MUCL3: variants seen among roughly 807,000 people sequenced by gnomAD.
The protein encoded by MUCL3 is mucin like 3.
Under a neutral mutation model 70.2 loss-of-function variants are expected in MUCL3, and 42 were observed. The ratio of observed to expected loss-of-function variants is 0.60; its 90% CI spans 0.47 to 0.77. MUCL3 has a LOEUF of 0.77. Among genes scored for constraint, MUCL3 ranks in the 30% least tolerant of loss-of-function variants. MUCL3 has a pLI of 0.00. For missense variants in MUCL3, 1,429 were observed against 1,670.0 expected, an observed-to-expected ratio of 0.86 and a Z score of 2.52; for synonymous variants, 522 against 647.0, an observed-to-expected ratio of 0.81 and a Z score of 2.93.
chr6:30,948,809 T>A lies in MUCL3; in HGVS notation c.345T>A (p.His115Gln), dbSNP rs1296496530. Residue 115 changes from histidine (H) to glutamine (Q), a missense_variant, in exon 2 of 3, where the codon CAT (histidine) becomes CAA (glutamine). His to Gln is a conservative substitution (Grantham distance 24, BLOSUM62 0). Transcript: ENST00000462446. ...ACCACAAAAGCTCTACAGATAATCA[T>A]GAGGCTCCTCCCACTTCTGAAGAAA... ...TIDHKSSTDN[H>Q]EAPPTSEENS... 3.9e-6 allele frequency: 6 copies of A among 1,551,642 alleles called. No homozygotes were observed. Among genetic ancestry groups the A allele is most frequent in the Non-Finnish European group, 5.2e-6 (6 of 1,146,978 alleles).
rs371675645 is a variant in MUCL3 at position 30,948,867 on chromosome 6, C to T, written c.403C>T (p.Arg135Trp). The T allele has an allele frequency of 1.5e-5, 23 of 1,551,524 alleles. No individual in the cohort carries two copies. Among genetic ancestry groups the T allele is most frequent in the Admixed American group, 2.0e-5 (1 of 50,966 alleles). Residue 135 changes from arginine (R) to tryptophan (W), a missense_variant, in exon 2 of 3, where the codon CGG (arginine) becomes TGG (tryptophan). By Grantham distance (101) the Arg-to-Trp change is moderately radical. Coordinates refer to ENST00000462446, the MANE Select transcript of MUCL3 (RefSeq NM_080870.4). ...SSNQGKDPMI[R>W]NQRSVDPADS... Reference sequence around the variant, plus strand: ...CAACCAAGGGAAAGACCCAATGATCCGGAACCAGCGCTCTGTTGATCCTGC... The same window carrying T: ...CAACCAAGGGAAAGACCCAATGATCTGGAACCAGCGCTCTGTTGATCCTGC...
chr6:30,952,941 C>T (rs750670394), intron 2 of MUCL3, 30 bp from the exon 3 acceptor site: 33 of 1,611,322 alleles, frequency 2.0e-5, no homozygotes, highest in Admixed American at 6.7e-5. Flanking sequence ...GCAGATGGTT[C>T]TCATTCCTCC....
Position 30,953,095 on chromosome 6 carries a change from G to A in MUCL3, c.4160G>A (p.Gly1387Asp), listed in dbSNP as rs1008498903. 2 of 1,614,188 alleles carry A rather than the reference G, an allele frequency of 1.2e-6. No individual in the cohort carries two copies. Among genetic ancestry groups the A allele is most frequent in the African/African-American group, 2.7e-5 (2 of 75,068 alleles). Reference sequence around the variant, plus strand: ...ATGGAGCAGCAGAATCTTGGCATGGGCCAGATCCCTTCCCCACGGTGATCT... The same window carrying A: ...ATGGAGCAGCAGAATCTTGGCATGGACCAGATCCCTTCCCCACGGTGATCT... ...YLMEQQNLGM[G>D]QIPSPR Residue 1387 changes from glycine (G) to aspartate (D), a missense_variant, in exon 3 of 3, where the codon GGC becomes GAC. Gly to Asp is a moderately conservative substitution (Grantham distance 94). Transcript: ENST00000462446.
Position 30,951,321 on chromosome 6 carries a change from A to G in MUCL3, c.2857A>G (p.Lys953Glu). Residue 953 changes from lysine to glutamate, a missense_variant, in exon 2 of 3, where the codon AAG (lysine) becomes GAG (glutamate). By Grantham distance (56) the Lys-to-Glu change is moderately conservative. Transcript: ENST00000462446. ...ACATGGAGAAAGGATAGCCAATGAG[A>G]AGGCCACACCATCCCCAGCAAAGCC... Reference protein sequence around the residue: ...TEHGERIANEKATPSPAKPTE... With the variant: ...TEHGERIANEEATPSPAKPTE... 1 of 1,548,752 alleles carries G rather than the reference A, an allele frequency of 6.5e-7. No homozygotes were observed. The highest frequency in any genetic ancestry group is 8.7e-7 in the Non-Finnish European group (1 of 1,144,458).
At position 30,943,299 on chromosome 6, in the gene MUCL3, T is replaced by C. The variant is rs146002477; in HGVS notation, c.82+2218T>C. On this transcript the variant is annotated intron_variant, in intron 1 of 2. Transcript: ENST00000462446. ...GAGGGCAGCACAGGTGCAGTCCAGA[T>C]TAAATCATCACAGAGAGGCATAGGT... Among the ~76,000 whole-genome samples, 457 of 152,276 alleles carry C rather than the reference T, an allele frequency of 3.0e-3. 3 individuals are homozygous for C. Among genetic ancestry groups the C allele is most frequent in the African/African-American group, 4.5e-3 (189 of 41,548 alleles).
chr6:30,950,560 A>C lies in MUCL3; in HGVS notation c.2096A>C (p.Glu699Ala). Residue 699 changes from glutamate to alanine, a missense_variant, in exon 2 of 3, where the codon GAG becomes GCG. By Grantham distance (107) the Glu-to-Ala change is moderately radical. Coordinates refer to ENST00000462446, the MANE Select transcript of MUCL3 (RefSeq NM_080870.4). ...ANEKTTSSSA[E>A]PTEHGERTPL... ...GAGAAAACCACATCATCCTCAGCAGAGCCTACAGAACACGGAGAAAGGACC... is the reference window on the plus strand; with the variant it reads ...GAGAAAACCACATCATCCTCAGCAGCGCCTACAGAACACGGAGAAAGGACC... 1 of 1,549,638 alleles carries C rather than the reference A, an allele frequency of 6.5e-7. No individual in the cohort carries two copies.
chr6:30,952,826 C>T, intron 2 of MUCL3, 145 bp from the exon 3 acceptor site: 1 of 1,139,416 alleles, frequency 8.8e-7, no homozygotes, highest in South Asian at 1.6e-5. Context: ...GGAGATGGAG[C>T]TGGGACTCAT....
rs200715646 is a variant in MUCL3 at position 30,951,411 on chromosome 6, A to C, written c.2947A>C (p.Asn983His). The change falls in exon 2 of 3, where the codon AAT (asparagine) becomes CAT (histidine). Residue 983 changes from asparagine (N) to histidine (H), a missense_variant. Coordinates refer to ENST00000462446, the MANE Select transcript of MUCL3 (RefSeq NM_080870.4). ...ACCATCCTCAGCAGAGCCTACAGAA[A>C]ATGGAGAAAGGACCCCACTGGCCAA... Reference protein sequence around the residue: ...TTPSSAEPTENGERTPLANEN... With the variant: ...TTPSSAEPTEHGERTPLANEN... 9.4e-4 allele frequency: 1,441 copies of C among 1,537,442 alleles called. 2 individuals are homozygous for C. Among genetic ancestry groups the C allele is most frequent in the Admixed American group, 3.2e-3 (156 of 49,488 alleles).
rs540486620 is a variant in MUCL3 at position 30,950,612 on chromosome 6, A to G, written c.2148A>G (p.Leu716=). 1.9e-6 allele frequency: 3 copies of G among 1,549,014 alleles called. No individual in the cohort carries two copies. The African/African-American group carries it at 4.1e-5, about 21-fold the overall frequency. Residue 716 remains leucine, a synonymous_variant, in exon 2 of 3, where the codon CTA becomes CTG. Coordinates refer to ENST00000462446, the MANE Select transcript of MUCL3 (RefSeq NM_080870.4). ...RTPLANENTT[L]SPAEPTENRE... ...CACTGGCCAATGAGAACACCACACT[A>G]TCCCCAGCAGAGCCTACAGAAAATA...
chr6:30,945,183 C>T (rs186637405), intron 1 of MUCL3, among the ~76,000 whole-genome samples: 11 of 152,324 alleles, frequency 7.2e-5, no homozygotes, highest in Admixed American at 2.0e-4. Flanking sequence ...TTTTACTTAA[C>T]GTGCATGATG....
chr6:30,944,001 A>C (rs1795685325), intron 1 of MUCL3, among the ~76,000 whole-genome samples: 1 of 151,992 alleles, frequency 6.6e-6, no homozygotes, highest in East Asian at 1.9e-4. Context: ...CTATGTCTGC[A>C]TTTTAAGCCA....
chr6:30,951,960 T>C lies in MUCL3; in HGVS notation c.3496T>C (p.Ser1166Pro). 1 of 1,606,378 alleles carries C rather than the reference T, an allele frequency of 6.2e-7. No individual in the cohort carries two copies. The highest frequency in any genetic ancestry group is 8.5e-7 in the Non-Finnish European group (1 of 1,177,634). Reference protein sequence around the residue: ...HEKMTQVTEKSTEHPEKTTST... With the variant: ...HEKMTQVTEKPTEHPEKTTST... The stretch of plus-strand genomic sequence containing the variant: ...GAAGATGACACAAGTCACAGAAAAG[T>C]CCACAGAACACCCAGAAAAGACCAC... The change falls in exon 2 of 3, where the codon TCC becomes CCC. Residue 1166 changes from serine (S) to proline (P), a missense_variant. Physicochemically the swap from Ser to Pro is moderately conservative, Grantham distance 74 (BLOSUM62 -1). Coordinates refer to ENST00000462446, the MANE Select transcript of MUCL3 (RefSeq NM_080870.4).
chr6:30,941,845 T>C (rs1795592507), intron 1 of MUCL3, among the ~76,000 whole-genome samples: 1 of 152,078 alleles, frequency 6.6e-6, no homozygotes, highest in Non-Finnish European at 1.5e-5. Flanking sequence ...TCACAATGAT[T>C]ATGTCCCATA....
At chr6:30,943,858 C>CTT (rs202030984) in intron 1 of MUCL3, among the ~76,000 whole-genome samples, 4 of 145,650 alleles carry the variant, frequency 2.7e-5, no homozygotes, top group Non-Finnish European at 4.6e-5. Flanking sequence ...TTTAGCTTTC[C>CTT]TTTTTTTTTT....
rs1760550524 is a variant in MUCL3, at chr6:30,950,028, C to A, written c.1564C>A (p.His522Asn). 6.5e-7 allele frequency: 1 copy of A among 1,537,584 alleles called. No individual in the cohort carries two copies. The highest frequency in any genetic ancestry group is 1.5e-5 in the African/African-American group (1 of 67,942). Residue 522 changes from histidine (H) to asparagine (N), a missense_variant, in exon 2 of 3, where the codon CAC (histidine) becomes AAC (asparagine). Transcript: ENST00000462446. ...ATCATCCTCAGCAGAGCCTACAGAA[C>A]ACGGAGAAAGGACCCCACTGGCCAA... ...TTSSSAEPTE[H>N]GERTPLANEN...
chr6:30,945,044 A>G (rs890311301), intron 1 of MUCL3, among the ~76,000 whole-genome samples: 1 of 152,238 alleles, frequency 6.6e-6, no homozygotes, highest in African/African-American at 2.4e-5. Context: ...TGGTTTAATG[A>G]CAACTGGTAT....
At chr6:30,942,448 C>T (rs1795617461) in intron 1 of MUCL3, among the ~76,000 whole-genome samples, 1 of 152,156 alleles carries the variant, frequency 6.6e-6, no homozygotes, top group South Asian at 2.1e-4. Flanking sequence ...CAGAGCCATC[C>T]ACAGGGTGAT....
intron 1 of MUCL3, among the ~76,000 whole-genome samples, chr6:30,943,692 A>G (rs1001626802): frequency 6.6e-6 from 1 of 152,260 alleles, no homozygotes; most frequent in Non-Finnish European, 1.5e-5. Context: ...GAATCTAACA[A>G]GAACATTTTC....
In MUCL3 at chr6:30,951,804, C is replaced by T. The variant is rs747318409; in HGVS notation, c.3340C>T (p.Pro1114Ser). The T allele has an allele frequency of 1.3e-6, 2 of 1,567,180 alleles. No individual in the cohort carries two copies. Among genetic ancestry groups the T allele is most frequent in the Non-Finnish European group, 1.7e-6 (2 of 1,157,006 alleles). Residue 1114 changes from proline to serine, a missense_variant, in exon 2 of 3, where the codon CCC (proline) becomes TCC (serine). Pro to Ser is a moderately conservative substitution (Grantham distance 74). Transcript: ENST00000462446. ...PTEHGERTTS[P>S]NDKITSSAAE... ...AGAACATGGAGAAAGGACCACATCA[C>T]CCAATGACAAGATCACCTCATCTGC...
Sources: gnomAD v4.1 joint callset for allele counts (sites outside exome capture counted in the v4.1 genomes callset) on GRCh38, gnomAD v4.1.1 for gene constraint, MANE v1.5 for transcripts, NCBI Gene and HGNC (gene_info 2026-07-23, HGNC 2026-07-21) for gene names.